SPAG16: variants seen among roughly 807,000 people sequenced by gnomAD.
SPAG16 encodes sperm associated antigen 16.
A neutral mutation model predicts 80.4 loss-of-function variants in SPAG16; 86 were observed. The observed-to-expected ratio is 1.07, with a 90% CI of 0.90 to 1.28. The LOEUF (loss-of-function observed/expected upper bound fraction) is 1.28, where lower values mean the gene tolerates loss of function less well. Ranked by LOEUF, SPAG16 falls within the 50% of genes most tolerant of loss-of-function variation. The pLI is 0.00. For missense variants in SPAG16, 870 were observed against 765.3 expected (o/e 1.14, Z -1.61); for synonymous variants, 294 against 265.9 (o/e 1.11, Z -1.03).
intron 15 of SPAG16, among the ~76,000 whole-genome samples, chr2:214,409,804 C>T (rs1432645584): frequency 6.6e-6 from 1 of 152,082 alleles, no homozygotes; most frequent in East Asian, 1.9e-4. Flanking sequence ...AAGAAAGTTG[C>T]CTTGCATAGT....
At chr2:213,635,211 A>G (rs968014074) in intron 10 of SPAG16, among the ~76,000 whole-genome samples, 4 of 150,986 alleles carry the variant, frequency 2.6e-5, no homozygotes, top group Admixed American at 6.6e-5. Flanking sequence ...ATTTTTTTGT[A>G]TTTGTAATAG....
chr2:213,432,600 A>C (rs758828738), intron 9 of SPAG16, among the ~76,000 whole-genome samples: 6 of 152,170 alleles, frequency 3.9e-5, no homozygotes, highest in Non-Finnish European at 8.8e-5. Flanking sequence ...AGTAATAAAA[A>C]ATAATCTCCC....
At chr2:213,737,889 T>G (rs945155874) in intron 10 of SPAG16, among the ~76,000 whole-genome samples, 1 of 152,184 alleles carries the variant, frequency 6.6e-6, no homozygotes, top group African/African-American at 2.4e-5. Context: ...TTGCCCCAGT[T>G]GTGTCTCTTT....
chr2:213,857,024 A>T (rs2075203028), intron 10 of SPAG16, among the ~76,000 whole-genome samples: 1 of 152,098 alleles, frequency 6.6e-6, no homozygotes, highest in African/African-American at 2.4e-5. Context: ...AAAGTCAGGA[A>T]TTAGAGACCA....
At chr2:214,345,070 T>A (rs530143165) in intron 15 of SPAG16, among the ~76,000 whole-genome samples, 13 of 152,262 alleles carry the variant, frequency 8.5e-5, no homozygotes, top group African/African-American at 2.6e-4. Context: ...TTAGTAAACT[T>A]AAAGTCCAAC....
At chr2:213,301,403 G>C (rs2062736045) in intron 3 of SPAG16, among the ~76,000 whole-genome samples, 1 of 151,962 alleles carries the variant, frequency 6.6e-6, no homozygotes, top group Non-Finnish European at 1.5e-5. Flanking sequence ...TTATTTTTTT[G>C]TTTCTCACTG....
chr2:214,174,756 G>A (rs1412761729), intron 15 of SPAG16, among the ~76,000 whole-genome samples: 1 of 151,636 alleles, frequency 6.6e-6, no homozygotes, highest in Non-Finnish European at 1.5e-5. Context: ...TAGCTTCAAA[G>A]GTCACTCTGG....
At chr2:214,359,877 A>T (rs1699069861) in intron 15 of SPAG16, among the ~76,000 whole-genome samples, 1 of 151,898 alleles carries the variant, frequency 6.6e-6, no homozygotes, top group African/African-American at 2.4e-5. Context: ...TTGTCTGGCC[A>T]CCAAGGACTT....
intron 15 of SPAG16, among the ~76,000 whole-genome samples, chr2:214,345,694 A>G (rs1319571465): frequency 6.6e-6 from 1 of 152,034 alleles, no homozygotes; most frequent in Non-Finnish European, 1.5e-5. Context: ...CCCACTCCCA[A>G]TCCCTTTCTG....
intron 13 of SPAG16, among the ~76,000 whole-genome samples, chr2:214,074,364 A>G (rs1455452768): frequency 6.6e-6 from 1 of 152,234 alleles, no homozygotes; most frequent in African/African-American, 2.4e-5. Flanking sequence ...ATGACAAGTA[A>G]TAAACTATTG....
At chr2:213,522,798 A>AATAT (rs34910737) in intron 10 of SPAG16, among the ~76,000 whole-genome samples, 36,218 of 146,628 alleles carry the variant, frequency 0.25, 5,054 homozygotes, top group Middle Eastern at 0.39. Context: ...TTACATGCCA[A>AATAT]ATATATATAT....
At chr2:213,852,830 T>C (rs551083318) in intron 10 of SPAG16, among the ~76,000 whole-genome samples, 1 of 152,360 alleles carries the variant, frequency 6.6e-6, no homozygotes, top group East Asian at 1.9e-4. Flanking sequence ...GCCTCTGTAT[T>C]GCATGCTACA....
chr2:214,156,693 T>C (rs535963696), intron 15 of SPAG16, among the ~76,000 whole-genome samples: 23 of 152,224 alleles, frequency 1.5e-4, no homozygotes, highest in African/African-American at 5.3e-4. Context: ...GGAGGATCCC[T>C]GAGCCCAGGT....
chr2:214,217,569 A>G (rs964589082), intron 15 of SPAG16, among the ~76,000 whole-genome samples: 1 of 152,244 alleles, frequency 6.6e-6, no homozygotes, highest in Admixed American at 6.5e-5. Context: ...ACCACTCTTA[A>G]GAGTACTTAA....
intron 13 of SPAG16, among the ~76,000 whole-genome samples, chr2:214,097,749 A>C (rs959387094): frequency 1.2e-4 from 19 of 152,014 alleles, no homozygotes; most frequent in African/African-American, 4.6e-4. Context: ...GGTTATAATT[A>C]TGAAGTGATA....
intron 8 of SPAG16, among the ~76,000 whole-genome samples, chr2:213,365,641 A>G (rs1411928062): frequency 1.3e-5 from 2 of 151,704 alleles, no homozygotes; most frequent in African/African-American, 4.8e-5. Context: ...TATTTTTAGT[A>G]GAGCTGGGGC....
At chr2:214,347,606 C>G (rs1000490609) in intron 15 of SPAG16, among the ~76,000 whole-genome samples, 1 of 152,142 alleles carries the variant, frequency 6.6e-6, no homozygotes, top group South Asian at 2.1e-4. Context: ...ATTTAAAACT[C>G]TCTGCTAGAC....
intron 10 of SPAG16, among the ~76,000 whole-genome samples, chr2:213,630,900 A>T (rs960997203): frequency 2.0e-5 from 3 of 152,210 alleles, no homozygotes; most frequent in African/African-American, 7.2e-5. Context: ...AAATGATATC[A>T]GAGGAAAATA....
chr2:214,261,102 A>AT (rs1691128806), intron 15 of SPAG16, among the ~76,000 whole-genome samples: 1 of 88,958 alleles, frequency 1.1e-5, no homozygotes, highest in Non-Finnish European at 2.1e-5. Flanking sequence ...AGCAAGACTC[A>AT]GTCTCAAAAA....
Sources: gnomAD v4.1 joint callset for allele counts (sites outside exome capture counted in the v4.1 genomes callset) on GRCh38, gnomAD v4.1.1 for gene constraint, MANE v1.5 for transcripts, NCBI Gene and HGNC (gene_info 2026-07-23, HGNC 2026-07-21) for gene names.